The following SYT1 variants were observed in gnomAD, a reference collection of about 807,000 sequenced individuals.
SYT1 encodes the protein synaptotagmin 1, also known as synaptotagmin-1.
In SYT1, 8 loss-of-function variants were observed where a neutral mutation model predicts 44.8. The ratio of observed to expected loss-of-function variants is 0.18; its 90% CI spans 0.10 to 0.32. The LOEUF is 0.32. Ranked by LOEUF, SYT1 falls within the 10% of genes least tolerant of loss-of-function variation. SYT1 has a pLI of 1.00. For synonymous variants in SYT1, 154 were observed against 188.8 expected, an observed-to-expected ratio of 0.82 and a Z score of 1.51; for missense variants, 286 against 509.3, an observed-to-expected ratio of 0.56 and a Z score of 4.22.
chr12:79,180,954 T>C (rs1872502443), intron 3 of SYT1, among the ~76,000 whole-genome samples: 1 of 151,920 alleles, frequency 6.6e-6, no homozygotes, highest in Non-Finnish European at 1.5e-5. Flanking sequence ...AGCGAGTGAG[T>C]TCTCTCGAGA....
At chr12:79,000,383 G>A (rs756722170) in intron 2 of SYT1, among the ~76,000 whole-genome samples, 22 of 142,640 alleles carry the variant, frequency 1.5e-4, no homozygotes, top group Admixed American at 1.2e-3. Context: ...AACCTCCGCC[G>A]CCTGGGTTCA....
chr12:79,260,203 G>A (rs903489816), intron 4 of SYT1, among the ~76,000 whole-genome samples: 7 of 152,116 alleles, frequency 4.6e-5, no homozygotes, highest in Admixed American at 3.9e-4. Context: ...GTTGTTCTGT[G>A]GCCCCTAATA....
At chr12:79,159,095 C>T (rs1206683041) in intron 3 of SYT1, among the ~76,000 whole-genome samples, 1 of 152,072 alleles carries the variant, frequency 6.6e-6, no homozygotes, top group Non-Finnish European at 1.5e-5. Flanking sequence ...GAAAAGGCCT[C>T]TTATGCTTTG....
intron 3 of SYT1, among the ~76,000 whole-genome samples, chr12:79,089,353 A>T (rs1010914216): frequency 5.9e-5 from 9 of 152,050 alleles, no homozygotes; most frequent in Admixed American, 4.6e-4. Context: ...CATTCACCAC[A>T]TTATACTGAG....
chr12:79,332,277 T>G (rs1317717795), intron 8 of SYT1, among the ~76,000 whole-genome samples: 3 of 152,200 alleles, frequency 2.0e-5, no homozygotes, highest in East Asian at 1.9e-4. Flanking sequence ...ATTGTGTGAT[T>G]TAGTGACATC....
chr12:78,954,363 T>G (rs1309191409), intron 1 of SYT1, among the ~76,000 whole-genome samples: 1 of 152,048 alleles, frequency 6.6e-6, no homozygotes, highest in Non-Finnish European at 1.5e-5. Flanking sequence ...GAGCAGGTAT[T>G]TGATTTTTTT....
intron 3 of SYT1, among the ~76,000 whole-genome samples, chr12:79,132,359 G>T (rs769472709): frequency 6.6e-6 from 1 of 151,376 alleles, no homozygotes; most frequent in Non-Finnish European, 1.5e-5. Context: ...TGAGGCAGGA[G>T]AATCGTTTGA....
rs575058933 is a variant in SYT1, at chr12:79,016,967, C to T, written c.-83-30330C>T. Among the ~76,000 whole-genome samples, 189 of 152,232 alleles carry T rather than the reference C, an allele frequency of 1.2e-3. 1 individual carries two copies. Among genetic ancestry groups the T allele is most frequent in the Non-Finnish European group, 2.4e-3 (161 of 67,992 alleles). ...GCAAAGCATTGGTCTGTTTAATTAT[C>T]TGCTCCTAGATATGGACAAGGGGCT... On this transcript the variant is annotated intron_variant, in intron 2 of 10. Transcript: ENST00000261205.
chr12:79,423,724 T>C (rs1471922179), intron 9 of SYT1, among the ~76,000 whole-genome samples: 1 of 151,986 alleles, frequency 6.6e-6, no homozygotes, highest in Admixed American at 6.6e-5. Flanking sequence ...AATTCTTCAA[T>C]TTCATGATAT....
intron 3 of SYT1, among the ~76,000 whole-genome samples, chr12:79,070,736 G>T (rs763090150): frequency 6.6e-6 from 1 of 152,114 alleles, no homozygotes; most frequent in African/African-American, 2.4e-5. Flanking sequence ...GAAAGACAGC[G>T]ACAGGGGCAA....
In SYT1 at chr12:79,334,316, C is replaced by T. The variant is rs1373283793; in HGVS notation, c.811-19186C>T. Among the ~76,000 whole-genome samples the T allele has an allele frequency of 2.0e-5, 3 of 152,106 alleles. No homozygotes were observed. In the East Asian group the frequency reaches 5.8e-4, roughly 29 times the overall value. On this transcript the variant is annotated intron_variant, in intron 8 of 10. Coordinates refer to ENST00000261205, the MANE Select transcript of SYT1 (RefSeq NM_005639.3). ...CATATGGTGCACACTGTTAGGCAAA[C>T]CGATTAAAACCCAGGACATATTTAA...
At chr12:79,285,742 C>T in intron 4 of SYT1, 45 bp from the exon 5 acceptor site, 2 of 1,446,708 alleles carry the variant, frequency 1.4e-6, no homozygotes, top group Non-Finnish European at 1.9e-6. Context: ...AGGTTTTCCA[C>T]ATCTAAGTGT....
At chr12:78,953,476 G>A (rs1879067818) in intron 1 of SYT1, among the ~76,000 whole-genome samples, 1 of 152,032 alleles carries the variant, frequency 6.6e-6, no homozygotes, top group Non-Finnish European at 1.5e-5. Context: ...TGTATACACT[G>A]ACTCATACTG....
intron 4 of SYT1, among the ~76,000 whole-genome samples, chr12:79,275,125 A>G (rs769448775): frequency 1.3e-5 from 2 of 152,128 alleles, no homozygotes; most frequent in Non-Finnish European, 2.9e-5. Context: ...GGAGCACCCC[A>G]CAGGACAAAA....
chr12:79,159,755 G>C (rs1326602323), intron 3 of SYT1, among the ~76,000 whole-genome samples: 1 of 152,024 alleles, frequency 6.6e-6, no homozygotes, highest in African/African-American at 2.4e-5. Context: ...CAAATCTAAG[G>C]CACCATCGAC....
rs550248157 is a variant in SYT1, at chr12:79,367,854, A to G, written c.928+14235A>G. 5.9e-5 allele frequency among the ~76,000 whole-genome samples: 9 copies of G among 152,268 alleles called. No homozygotes were observed. The East Asian group carries it at 1.7e-3, about 29-fold the overall frequency. ...AAGAACCTAGGTAAGAAATGTGAAA[A>G]AAAAATATTGCTTATTAGTCCTACA... On this transcript the variant is annotated intron_variant, in intron 9 of 10. Coordinates refer to ENST00000261205, the MANE Select transcript of SYT1 (RefSeq NM_005639.3).
chr12:79,320,298 C>CA (rs1354377099), intron 8 of SYT1, among the ~76,000 whole-genome samples: 1 of 152,192 alleles, frequency 6.6e-6, no homozygotes, highest in Non-Finnish European at 1.5e-5. Flanking sequence ...GAAAAAAGCA[C>CA]ATGCTGCATC....
chr12:79,217,419 G>T, intron 3 of SYT1, 84 bp from the exon 4 acceptor site: 1 of 1,250,396 alleles, frequency 8.0e-7, no homozygotes, highest in Non-Finnish European at 1.1e-6. Context: ...CACCTCTGAT[G>T]TTGTTTCATC....
chr12:79,277,642 G>T (rs1878810342), intron 4 of SYT1, among the ~76,000 whole-genome samples: 2 of 152,094 alleles, frequency 1.3e-5, no homozygotes, highest in African/African-American at 4.8e-5. Flanking sequence ...TCCACATGAT[G>T]AATGGAACAG....
Sources: allele counts gnomAD v4.1 joint callset (sites outside exome capture counted in the v4.1 genomes callset), GRCh38; gene constraint gnomAD v4.1.1; transcripts MANE v1.5; gene names NCBI Gene and HGNC (gene_info 2026-07-23, HGNC 2026-07-21).